The following PHF14 variants were observed in gnomAD, a reference collection of about 807,000 sequenced individuals.
The protein encoded by PHF14 is PHD finger protein 14.
A neutral mutation model predicts 117.9 loss-of-function variants in PHF14; 55 were observed. That is an observed-to-expected ratio of 0.47 (90% CI 0.38 to 0.58). The LOEUF is 0.58. Ranked by LOEUF, PHF14 falls within the 20% of genes least tolerant of loss-of-function variation. The probability of loss-of-function intolerance (pLI) is 0.00; values close to 1 mark genes in which losing one functional copy is unlikely to be tolerated. For missense variants in PHF14, 978 were observed against 1,122.2 expected, an observed-to-expected ratio of 0.87 and a Z score of 1.84; for synonymous variants, 409 against 368.6, an observed-to-expected ratio of 1.11 and a Z score of -1.26.
intron 4 of PHF14, among the ~76,000 whole-genome samples, chr7:11,002,590 C>G (rs973064120): frequency 2.6e-5 from 4 of 151,952 alleles, no homozygotes; most frequent in African/African-American, 4.8e-5. Context: ...CAGGCATATG[C>G]GCCACCACGC....
intron 17 of PHF14, among the ~76,000 whole-genome samples, chr7:11,121,481 G>A (rs1787751677): frequency 6.6e-6 from 1 of 152,096 alleles, no homozygotes; most frequent in Non-Finnish European, 1.5e-5. Context: ...AATTGCAGGG[G>A]TTATGTTCCA....
intron 16 of PHF14, chr7:11,062,773 C>T: frequency 1.0e-6 from 1 of 985,106 alleles, no homozygotes; most frequent in Non-Finnish European, 1.2e-6. Context: ...GATCAAAGCT[C>T]TGGTGAGATG....
chr7:11,165,127 G>T (rs1385452699), intron 17 of PHF14, among the ~76,000 whole-genome samples: 1 of 152,170 alleles, frequency 6.6e-6, no homozygotes, highest in Non-Finnish European at 1.5e-5. Flanking sequence ...GTTTCACCAT[G>T]TTGGCCAGGA....
intron 10 of PHF14, among the ~76,000 whole-genome samples, chr7:11,037,652 T>C (rs1784357168): frequency 6.6e-6 from 1 of 152,194 alleles, no homozygotes; most frequent in African/African-American, 2.4e-5. Flanking sequence ...GAGAAAAGAT[T>C]CAAAAAGAAG....
intron 14 of PHF14, among the ~76,000 whole-genome samples, chr7:11,052,549 A>C (rs908483130): frequency 6.6e-6 from 1 of 152,198 alleles, no homozygotes; most frequent in African/African-American, 2.4e-5. Context: ...CAGTTTTGCT[A>C]GATAACTGCA....
chr7:11,023,976 T>C (rs949256990), intron 6 of PHF14, among the ~76,000 whole-genome samples: 2 of 152,194 alleles, frequency 1.3e-5, no homozygotes, highest in African/African-American at 4.8e-5. Context: ...AAAGCCTAGG[T>C]AGGCCAAAAG....
At chr7:11,118,120 A>G (rs550290191) in intron 17 of PHF14, among the ~76,000 whole-genome samples, 1 of 151,970 alleles carries the variant, frequency 6.6e-6, no homozygotes, top group African/African-American at 2.4e-5. Context: ...ACTAATACAG[A>G]TATGTAAAAA....
At chr7:10,975,005 A>T in intron 2 of PHF14, 60 bp downstream of exon 2, 1 of 855,868 alleles carries the variant, frequency 1.2e-6, no homozygotes, top group South Asian at 1.6e-5. Context: ...TTATTTTTAG[A>T]CTTTTTAAAT....
intron 16 of PHF14, among the ~76,000 whole-genome samples, chr7:11,086,435 C>A (rs960769698): frequency 6.6e-6 from 1 of 152,056 alleles, no homozygotes; most frequent in Non-Finnish European, 1.5e-5. Context: ...TATGTTATAC[C>A]TTCTCTCTGA....
Position 11,169,613 on chromosome 7 carries a change from A to G in PHF14, c.*123A>G, listed in dbSNP as rs1789306439. ...AATGTTCTCAATAAAGTCATTCAAA[A>G]TGAAATAGGAGCTTGTATTTGGAAT... On this transcript the variant is annotated 3_prime_UTR_variant, in exon 18 of 18. Transcript: ENST00000634607. 2.2e-6 allele frequency: 1 copy of G among 459,530 alleles called. No homozygotes were observed. The highest frequency in any genetic ancestry group is 3.6e-5 in the East Asian group (1 of 27,684). 28.5% of individuals were successfully genotyped at this position (459,530 alleles called of 1,614,324 possible).
chr7:11,040,823 A>G (rs1390019001), intron 12 of PHF14, 48 bp downstream of exon 12: 3 of 849,480 alleles, frequency 3.5e-6, no homozygotes, highest in African/African-American at 1.8e-5. Flanking sequence ...GTATTTTTTT[A>G]AACTGATACT....
At chr7:11,008,401 C>T (rs191509193) in intron 4 of PHF14, among the ~76,000 whole-genome samples, 175 of 152,248 alleles carry the variant, frequency 1.1e-3, no homozygotes, top group African/African-American at 4.1e-3. Context: ...GGCCTCACAG[C>T]AGGGGGTGAG....
chr7:11,023,178 A>G (rs1783792458), intron 6 of PHF14, among the ~76,000 whole-genome samples, 199 bp downstream of exon 6: 1 of 152,190 alleles, frequency 6.6e-6, no homozygotes, highest in South Asian at 2.1e-4. Flanking sequence ...CTTAATTTAG[A>G]GTAACGTATG....
At chr7:11,062,218 A>T in intron 16 of PHF14, 133 bp downstream of exon 16, 1 of 654,890 alleles carries the variant, frequency 1.5e-6, no homozygotes, top group Non-Finnish European at 2.4e-6. Flanking sequence ...ACAGTACTTT[A>T]GAAACAGATT....
At chr7:11,062,954 C>A in intron 16 of PHF14, 1 of 944,470 alleles carries the variant, frequency 1.1e-6, no homozygotes, top group African/African-American at 1.8e-5. Context: ...TAACTGAGGA[C>A]ACAGAAATTA....
intron 16 of PHF14, chr7:11,110,353 A>G (rs1251695115): frequency 6.5e-6 from 1 of 153,410 alleles, no homozygotes; most frequent in Admixed American, 6.6e-5. Flanking sequence ...ATTGGTTGAG[A>G]AAGTATTATT....
intron 16 of PHF14, among the ~76,000 whole-genome samples, chr7:11,080,969 C>T (rs1033643179): frequency 1.3e-5 from 2 of 152,090 alleles, no homozygotes; most frequent in Admixed American, 1.3e-4. Flanking sequence ...AGGTGATAGA[C>T]TAAAATCAAA....
At chr7:11,018,985 G>C (rs1783629841) in intron 5 of PHF14, among the ~76,000 whole-genome samples, 1 of 152,110 alleles carries the variant, frequency 6.6e-6, no homozygotes, top group African/African-American at 2.4e-5. Flanking sequence ...TTCAGCATCA[G>C]TTGAAATGAT....
intron 16 of PHF14, among the ~76,000 whole-genome samples, chr7:11,072,493 C>G (rs932979890): frequency 6.6e-6 from 1 of 152,106 alleles, no homozygotes; most frequent in African/African-American, 2.4e-5. Flanking sequence ...TTTATCTTGC[C>G]TGTGTTTTAC....
Sources: gnomAD v4.1 joint callset for allele counts (sites outside exome capture counted in the v4.1 genomes callset) on GRCh38, gnomAD v4.1.1 for gene constraint, MANE v1.5 for transcripts, NCBI Gene and HGNC (gene_info 2026-07-23, HGNC 2026-07-21) for gene names.